WIPF3: variants seen among roughly 807,000 people sequenced by gnomAD.
WIPF3 encodes the protein WAS/WASL interacting protein family member 3, also known as WAS/WASL-interacting protein family member 3.
Under a neutral mutation model 38.9 loss-of-function variants are expected in WIPF3, and 33 were observed. The ratio of observed to expected loss-of-function variants is 0.85; its 90% CI spans 0.64 to 1.14. The LOEUF (loss-of-function observed/expected upper bound fraction) is 1.14. Ranked by LOEUF, WIPF3 falls within the 50% of genes most tolerant of loss-of-function variation. The pLI, the probability that WIPF3 is intolerant of heterozygous loss-of-function variation, is 0.00. For synonymous variants in WIPF3, 324 were observed against 269.3 expected (o/e 1.20, Z -1.99); for missense variants, 711 against 652.5 (o/e 1.09, Z -0.98).
At chr7:29,808,040 A>G (rs1009349111) in intron 1 of WIPF3, among the ~76,000 whole-genome samples, 6 of 152,206 alleles carry the variant, frequency 3.9e-5, no homozygotes, top group Non-Finnish European at 7.3e-5. Flanking sequence ...CTCCAGGTCA[A>G]TACCTGGACA....
At chr7:29,908,068 G>A (rs1786433536) in intron 8 of WIPF3, among the ~76,000 whole-genome samples, 1 of 152,154 alleles carries the variant, frequency 6.6e-6, no homozygotes, top group Non-Finnish European at 1.5e-5. Context: ...GAGATTGGCA[G>A]AATGGATTTT....
At chr7:29,869,522 C>A (rs1785457988) in intron 2 of WIPF3, among the ~76,000 whole-genome samples, 1 of 152,178 alleles carries the variant, frequency 6.6e-6, no homozygotes, top group African/African-American at 2.4e-5. Context: ...TAAAGACATG[C>A]TTTTGTCTAG....
intron 8 of WIPF3, among the ~76,000 whole-genome samples, chr7:29,908,052 AAGAC>A (rs1786432850): frequency 6.6e-6 from 1 of 152,186 alleles, no homozygotes. Flanking sequence ...TTCCAATCAA[AAGAC>A]AGAGATTGGC....
intron 1 of WIPF3, among the ~76,000 whole-genome samples, chr7:29,828,497 A>G (rs570157524): frequency 7.2e-5 from 11 of 152,266 alleles, no homozygotes; most frequent in African/African-American, 2.4e-4. Flanking sequence ...TCTGTGGCCC[A>G]CTGGCTTTTA....
chr7:29,815,133 A>G (rs1247250233), intron 1 of WIPF3, among the ~76,000 whole-genome samples: 1 of 152,206 alleles, frequency 6.6e-6, no homozygotes. Context: ...TCAGAGAAAA[A>G]ATAAAGTAGC....
At chr7:29,847,048 G>C (rs1785012137) in intron 2 of WIPF3, among the ~76,000 whole-genome samples, 1 of 152,162 alleles carries the variant, frequency 6.6e-6, no homozygotes, top group South Asian at 2.1e-4. Flanking sequence ...TGTCTATTTT[G>C]CTCACAATGC....
rs543866201 is a variant in WIPF3 at position 29,870,030 on chromosome 7, T to C, written c.91-5800T>C. Among the ~76,000 whole-genome samples, 4 of 152,322 alleles carry C rather than the reference T, an allele frequency of 2.6e-5. No homozygotes were observed. The South Asian group carries it at 6.2e-4, about 24-fold the overall frequency. On this transcript the variant is annotated intron_variant, in intron 2 of 8. Transcript: ENST00000242140. ...ATAACATGATCTGGGTAGTAGATGC[T>C]CTGCTAAGGGTAAGCATGTTGCTCT... is the stretch of plus-strand genomic sequence containing the variant.
At chr7:29,888,500 C>CGTGTGTGTGTGT (rs756243450) in intron 6 of WIPF3, among the ~76,000 whole-genome samples, 13 of 138,780 alleles carry the variant, frequency 9.4e-5, no homozygotes, top group African/African-American at 3.5e-4. Context: ...TGTGCGTGTG[C>CGTGTGTGTGTGT]GTGTGTGTGC....
Position 29,881,590 on chromosome 7 carries a change from G to C in WIPF3, c.356-2260G>C, listed in dbSNP as rs1445962552. The stretch of plus-strand genomic sequence containing the variant: ...ATAAATATTTTTTTAATAGAGAAGA[G>C]GCCCACAAAGGCAAAAGTGCCTAGG... On this transcript the variant is annotated intron_variant, in intron 4 of 8. Transcript: ENST00000242140. Among the ~76,000 whole-genome samples the C allele has an allele frequency of 2.0e-5, 3 of 152,068 alleles. 1 individual carries two copies. The highest frequency in any genetic ancestry group is 2.0e-4 in the Admixed American group (3 of 15,276).
rs1785783519 is a variant in WIPF3 at position 29,884,027 on chromosome 7, C to T, written c.533C>T (p.Thr178Ile). 2 of 1,421,266 alleles carry T rather than the reference C, an allele frequency of 1.4e-6. No individual in the cohort carries two copies. Among genetic ancestry groups the T allele is most frequent in the East Asian group, 5.5e-5 (2 of 36,162 alleles). 88.0% of individuals were successfully genotyped at this position (1,421,266 alleles called of 1,614,324 possible). A position where few individuals can be genotyped will look rare whatever the true frequency, so the allele number is the denominator to read the frequency against. The part of the protein sequence containing the change: ...RPNVPAPPPP[T>I]PPPPPPPLPP... ...AACGTGCCTGCCCCGCCCCCTCCCA[C>T]CCCACCCCCTCCGCCTCCACCCTTA... The change falls in exon 5 of 9, where the codon ACC becomes ATC. Residue 178 changes from threonine (T) to isoleucine (I), a missense_variant. By Grantham distance (89) the Thr-to-Ile change is moderately conservative. Transcript: ENST00000242140.
At position 29,875,843 on chromosome 7, in the gene WIPF3, C is replaced by T. The variant is rs1204884604; in HGVS notation, c.104C>T (p.Thr35Ile). The T allele has an allele frequency of 3.1e-6, 5 of 1,614,040 alleles. No individual in the cohort carries two copies. In the South Asian group the frequency reaches 5.5e-5, roughly 18 times the overall value. ...ACTCCCTTACAGGTAAGCACAGACA[C>T]CTCCAGCTTGCGAAGGGCAGATCCG... ...PPSAPPVSTD[T>I]SSLRRADPKG... is the part of the protein sequence containing the mutation. Residue 35 changes from threonine to isoleucine, a missense_variant, in exon 3 of 9, where the codon ACC becomes ATC. Physicochemically the swap from Thr to Ile is moderately conservative, Grantham distance 89. Coordinates refer to ENST00000242140, the MANE Select transcript of WIPF3 (RefSeq NM_001080529.3).
intron 7 of WIPF3, among the ~76,000 whole-genome samples, chr7:29,889,982 A>G (rs149451914): frequency 7.4e-4 from 113 of 152,364 alleles, no homozygotes; most frequent in African/African-American, 2.6e-3. Flanking sequence ...ATAATAGCCC[A>G]GTAAGGGCCC....
chr7:29,890,104 AC>A (rs1473377523), intron 7 of WIPF3, among the ~76,000 whole-genome samples: 1 of 152,104 alleles, frequency 6.6e-6, no homozygotes, highest in African/African-American at 2.4e-5. Context: ...CATGCCTGTA[AC>A]CCCAGCACTT....
chr7:29,848,243 G>A (rs1225179732), intron 2 of WIPF3, among the ~76,000 whole-genome samples: 1 of 152,124 alleles, frequency 6.6e-6, no homozygotes, highest in African/African-American at 2.4e-5. Flanking sequence ...AAGATCCGGG[G>A]GCATCCTGAG....
intron 2 of WIPF3, among the ~76,000 whole-genome samples, chr7:29,852,538 G>A (rs1785120318): frequency 6.6e-6 from 1 of 152,212 alleles, no homozygotes; most frequent in African/African-American, 2.4e-5. Flanking sequence ...TTTAACAAGA[G>A]CCAGACACCA....
At chr7:29,853,150 G>C (rs921622137) in intron 2 of WIPF3, among the ~76,000 whole-genome samples, 1 of 152,202 alleles carries the variant, frequency 6.6e-6, no homozygotes, top group South Asian at 2.1e-4. Flanking sequence ...GGGAACTGGG[G>C]CTGCACCCCT....
intron 2 of WIPF3, among the ~76,000 whole-genome samples, chr7:29,868,457 T>C (rs533939642): frequency 6.6e-6 from 1 of 151,842 alleles, no homozygotes; most frequent in African/African-American, 2.4e-5. Context: ...CAAAGAGAGA[T>C]GAGAGTCCAA....
chr7:29,838,068 G>T (rs1399978276), intron 2 of WIPF3, among the ~76,000 whole-genome samples: 1 of 152,072 alleles, frequency 6.6e-6, no homozygotes, highest in African/African-American at 2.4e-5. Flanking sequence ...ACAGGTGCCC[G>T]CCACCACGCC....
chr7:29,869,729 T>G (rs925852610), intron 2 of WIPF3, among the ~76,000 whole-genome samples: 2 of 152,226 alleles, frequency 1.3e-5, no homozygotes, highest in Admixed American at 1.3e-4. Flanking sequence ...TATTCCCTAC[T>G]AAAGAGACTT....
Sources: allele counts gnomAD v4.1 joint callset (sites outside exome capture counted in the v4.1 genomes callset), GRCh38; gene constraint gnomAD v4.1.1; transcripts MANE v1.5; gene names NCBI Gene and HGNC (gene_info 2026-07-23, HGNC 2026-07-21).